ANKRD42: variants seen among roughly 807,000 people sequenced by gnomAD.
ANKRD42 encodes ankyrin repeat domain-containing protein 42.
A neutral mutation model predicts 51.5 loss-of-function variants in ANKRD42; 43 were observed. The ratio of observed to expected loss-of-function variants is 0.83; its 90% CI spans 0.65 to 1.08. The LOEUF (loss-of-function observed/expected upper bound fraction) is 1.08. Ranked by LOEUF, ANKRD42 falls within the 50% of genes least tolerant of loss-of-function variation. The pLI is 0.00. For missense variants in ANKRD42, 608 were observed against 629.3 expected, an observed-to-expected ratio of 0.97 and a Z score of 0.36; for synonymous variants, 203 against 213.0, an observed-to-expected ratio of 0.95 and a Z score of 0.41.
chr11:83,209,372 G>A lies in ANKRD42; in HGVS notation c.331-928G>A, dbSNP rs978231406. 6 of 1,528,514 alleles carry A rather than the reference G, an allele frequency of 3.9e-6. No individual in the cohort carries two copies. In the African/African-American group the frequency reaches 6.9e-5, roughly 17 times the overall value. 94.7% of individuals were successfully genotyped at this position (1,528,514 alleles called of 1,614,324 possible). A position where few individuals can be genotyped will look rare whatever the true frequency, so the allele number is the denominator to read the frequency against. ...AGTTGCTTGGAGGTTGGCAGCGCGG[G>A]GCTGCAGGCTAGCAAACCGAGCGAT... is the stretch of plus-strand genomic sequence containing the variant. On this transcript the variant is annotated intron_variant, in intron 3 of 10. Transcript: ENST00000533342.
downstream of ANKRD42, chr11:83,261,315 C>T (rs1393934198): frequency 6.6e-6 from 1 of 152,204 alleles, no homozygotes; most frequent in Non-Finnish European, 1.5e-5. Flanking sequence ...GATCCACCCG[C>T]CTCAGCCTCC....
chr11:83,221,227 G>A (rs1862709012), intron 5 of ANKRD42, among the ~76,000 whole-genome samples: 1 of 151,988 alleles, frequency 6.6e-6, no homozygotes, highest in African/African-American at 2.4e-5. Context: ...TAAGATTTCT[G>A]TTTGATTTTA....
At position 83,193,735 on chromosome 11, in the gene ANKRD42, T is replaced by G. The variant is rs1344973828; in HGVS notation, c.-936T>G. On this transcript the variant is annotated 5_prime_UTR_variant, in exon 1 of 11. Transcript: ENST00000533342. ...GTACTCGTTTCCAAGGCGACGGCCCTGCTGCCTCTCCAGCCAAGTGGCTGG... is the reference window on the plus strand; with the variant it reads ...GTACTCGTTTCCAAGGCGACGGCCCGGCTGCCTCTCCAGCCAAGTGGCTGG... 3 of 415,984 alleles carry G rather than the reference T, an allele frequency of 7.2e-6. No individual in the cohort carries two copies. Among genetic ancestry groups the G allele is most frequent in the Admixed American group, 3.0e-5 (1 of 33,790 alleles). The allele number at this position is 415,984 out of a possible 1,614,324, so 25.8% of individuals were successfully genotyped here.
intron 9 of ANKRD42, among the ~76,000 whole-genome samples, chr11:83,244,656 A>G (rs1217061219): frequency 6.6e-6 from 1 of 152,172 alleles, no homozygotes; most frequent in Non-Finnish European, 1.5e-5. Flanking sequence ...GAGGTTGCCA[A>G]ATGACCCTTG....
In ANKRD42 at chr11:83,213,123, G is replaced by A. The variant is rs754422456; in HGVS notation, c.586+1693G>A. On this transcript the variant is annotated intron_variant, in intron 5 of 10. Transcript: ENST00000533342. Reference sequence around the variant, plus strand: ...AAGTGTAACTGGCAGAAACCCAGAGGTATTGACAACAGGGTTCGTAGAAGG... The same window carrying A: ...AAGTGTAACTGGCAGAAACCCAGAGATATTGACAACAGGGTTCGTAGAAGG... 4 of 1,601,766 alleles carry A rather than the reference G, an allele frequency of 2.5e-6. No individual in the cohort carries two copies. In the Admixed American group the frequency reaches 6.7e-5, roughly 27 times the overall value.
intron 2 of ANKRD42, among the ~76,000 whole-genome samples, chr11:83,201,188 C>T (rs897163069): frequency 1.3e-5 from 2 of 152,122 alleles, no homozygotes; most frequent in Admixed American, 1.3e-4. Flanking sequence ...TGTGATGTTC[C>T]CCTCGCTGTG....
At chr11:83,241,711 CT>C (rs771980870) in intron 9 of ANKRD42, among the ~76,000 whole-genome samples, 10 of 152,048 alleles carry the variant, frequency 6.6e-5, no homozygotes, top group Non-Finnish European at 1.5e-4. Context: ...CATTTTTCCC[CT>C]TTTTTCACTA....
At chr11:83,214,673 A>G in intron 5 of ANKRD42, 2 of 605,042 alleles carry the variant, frequency 3.3e-6, no homozygotes, top group Non-Finnish European at 4.1e-6. Flanking sequence ...ATGTATAAAG[A>G]TCAAATCAAG....
chr11:83,230,689 C>T (rs1863041447), intron 7 of ANKRD42, among the ~76,000 whole-genome samples: 1 of 151,888 alleles, frequency 6.6e-6, no homozygotes, highest in South Asian at 2.1e-4. Flanking sequence ...TGGGTTCAAG[C>T]GATTCTCCTG....
At chr11:83,233,822 A>G (rs1045154635) in intron 7 of ANKRD42, among the ~76,000 whole-genome samples, 2 of 152,186 alleles carry the variant, frequency 1.3e-5, no homozygotes, top group African/African-American at 2.4e-5. Context: ...GGCTGGGATT[A>G]CAGGCATGTG....
At chr11:83,245,111 C>T (rs1863504170) in intron 9 of ANKRD42, among the ~76,000 whole-genome samples, 1 of 152,174 alleles carries the variant, frequency 6.6e-6, no homozygotes, top group South Asian at 2.1e-4. Flanking sequence ...ACCATGTTGG[C>T]CAGGCTGGTC....
chr11:83,222,373 T>G (rs1862742267), intron 5 of ANKRD42, among the ~76,000 whole-genome samples: 1 of 152,322 alleles, frequency 6.6e-6, no homozygotes, highest in Non-Finnish European at 1.5e-5. Flanking sequence ...AAAGACAAAG[T>G]CCTGCCTACA....
At chr11:83,230,906 C>T (rs1445749003) in intron 7 of ANKRD42, among the ~76,000 whole-genome samples, 1 of 152,064 alleles carries the variant, frequency 6.6e-6, no homozygotes, top group African/African-American at 2.4e-5. Flanking sequence ...TTTTTTATGG[C>T]GGATTAGTAC....
At chr11:83,220,159 C>G (rs1276201576) in intron 5 of ANKRD42, among the ~76,000 whole-genome samples, 1 of 152,140 alleles carries the variant, frequency 6.6e-6, no homozygotes, top group African/African-American at 2.4e-5. Context: ...CTGAGCACTC[C>G]CAGGTGTATT....
intron 7 of ANKRD42, among the ~76,000 whole-genome samples, chr11:83,231,939 T>G (rs1565191934): frequency 6.6e-6 from 1 of 152,158 alleles, no homozygotes; most frequent in African/African-American, 2.4e-5. Context: ...ATCCCAGCTA[T>G]TGGTCTATGT....
rs376291706 is a variant in ANKRD42 at position 83,210,298 on chromosome 11, A to G, written c.331-2A>G. The G allele has an allele frequency of 1.8e-5, 29 of 1,612,934 alleles. No homozygotes were observed. In the African/African-American group the frequency reaches 3.2e-4, roughly 18 times the overall value. The stretch of plus-strand genomic sequence containing the variant: ...AAGTCTTTCCTATTTCTCTATTTTT[A>G]GGCTCTTATAATGAATGGAGCAAAT... On this transcript the variant is annotated splice_acceptor_variant, in intron 3 of 10. Coordinates refer to ENST00000533342, the MANE Select transcript of ANKRD42 (RefSeq NM_001300975.2). LOFTEE classifies it high-confidence loss of function.
At chr11:83,241,291 T>C (rs1009284126) in intron 9 of ANKRD42, among the ~76,000 whole-genome samples, 1 of 152,224 alleles carries the variant, frequency 6.6e-6, no homozygotes, top group African/African-American at 2.4e-5. Flanking sequence ...TTGTCTACTA[T>C]GTGCCAGACA....
chr11:83,216,960 G>A (rs1862559137), intron 5 of ANKRD42, among the ~76,000 whole-genome samples: 2 of 147,602 alleles, frequency 1.4e-5, no homozygotes, highest in Admixed American at 6.8e-5. Context: ...GGGCCCTGCA[G>A]TTGTGGTGTC....
chr11:83,255,754 A>ATTT, intron 11 of ANKRD42: 4 of 924,364 alleles, frequency 4.3e-6, no homozygotes, highest in Admixed American at 3.1e-5. Flanking sequence ...AGCATGGTTA[A>ATTT]TTTTTTTTTC....
Sources: gnomAD v4.1 joint callset for allele counts (sites outside exome capture counted in the v4.1 genomes callset) on GRCh38, gnomAD v4.1.1 for gene constraint, MANE v1.5 for transcripts, NCBI Gene and HGNC (gene_info 2026-07-23, HGNC 2026-07-21) for gene names.